The following DOCK1 variants were observed in gnomAD, a reference collection of about 807,000 sequenced individuals.
DOCK1 encodes the protein dedicator of cytokinesis protein 1.
Under a neutral mutation model 262.7 loss-of-function variants are expected in DOCK1, and 138 were observed. The ratio of observed to expected loss-of-function variants is 0.53; its 90% CI spans 0.46 to 0.61. The LOEUF (loss-of-function observed/expected upper bound fraction) is 0.61. Among genes scored for constraint, DOCK1 ranks in the 20% least tolerant of loss-of-function variants. The pLI, the probability that DOCK1 is intolerant of heterozygous loss-of-function variation, is 0.00. For synonymous variants in DOCK1, 866 were observed against 867.4 expected (o/e 1.00, Z 0.03); for missense variants, 1,908 against 2,370.7 (o/e 0.80, Z 4.05).
chr10:127,063,092 T>G (rs11018404), intron 23 of DOCK1, among the ~76,000 whole-genome samples: 1 of 152,216 alleles, frequency 6.6e-6, no homozygotes, highest in African/African-American at 2.4e-5. Flanking sequence ...CAGAAGGAGC[T>G]GTACAACTTG....
chr10:127,289,989 A>C (rs2135356837), intron 29 of DOCK1, among the ~76,000 whole-genome samples: 1 of 151,198 alleles, frequency 6.6e-6, no homozygotes, highest in Non-Finnish European at 1.5e-5. Flanking sequence ...TCTGCTGGTA[A>C]ATTCATGCAT....
intron 27 of DOCK1, among the ~76,000 whole-genome samples, chr10:127,197,578 A>G (rs555585960): frequency 6.6e-6 from 1 of 152,184 alleles, no homozygotes; most frequent in Non-Finnish European, 1.5e-5. Context: ...TTCTCAGGAA[A>G]GGTCAGAGAA....
At chr10:127,361,356 T>C (rs11017557) in intron 32 of DOCK1, among the ~76,000 whole-genome samples, 12,107 of 152,156 alleles carry the variant, frequency 0.08, 1,112 homozygotes, top group East Asian at 0.35. Flanking sequence ...CCTCGTGATC[T>C]GCCCGCCTTG....
intron 29 of DOCK1, among the ~76,000 whole-genome samples, chr10:127,301,992 G>A (rs553191137): frequency 1.3e-5 from 2 of 151,604 alleles, no homozygotes; most frequent in South Asian, 4.2e-4. Context: ...GACAAAGCCT[G>A]CCTGCCTGCT....
At chr10:127,072,869 T>C (rs139902679) in intron 23 of DOCK1, among the ~76,000 whole-genome samples, 14 of 152,288 alleles carry the variant, frequency 9.2e-5, no homozygotes, top group African/African-American at 3.1e-4. Context: ...AGCTGACTCA[T>C]TGATGGAAAC....
intron 27 of DOCK1, among the ~76,000 whole-genome samples, chr10:127,171,364 C>T (rs2054553098): frequency 6.6e-6 from 1 of 152,212 alleles, no homozygotes; most frequent in South Asian, 2.1e-4. Context: ...TTACAATAAA[C>T]ATGTTCTAAG....
intron 27 of DOCK1, among the ~76,000 whole-genome samples, chr10:127,130,832 C>T (rs2050277736): frequency 6.6e-6 from 1 of 152,160 alleles, no homozygotes; most frequent in Non-Finnish European, 1.5e-5. Context: ...GCTGTCAGTC[C>T]CTTCTATAAG....
intron 3 of DOCK1, among the ~76,000 whole-genome samples, chr10:126,978,695 A>G (rs1037483896): frequency 6.6e-6 from 1 of 152,148 alleles, no homozygotes; most frequent in Non-Finnish European, 1.5e-5. Flanking sequence ...TTAATATCTA[A>G]TTATGTTTGA....
At chr10:127,126,030 C>T (rs2049932050) in intron 26 of DOCK1, among the ~76,000 whole-genome samples, 1 of 151,816 alleles carries the variant, frequency 6.6e-6, no homozygotes, top group African/African-American at 2.4e-5. Flanking sequence ...TCTTTTCCTC[C>T]CCTCAGGCTC....
At chr10:127,372,003 C>A (rs949389227) in intron 33 of DOCK1, among the ~76,000 whole-genome samples, 22 of 152,308 alleles carry the variant, frequency 1.4e-4, no homozygotes, top group Admixed American at 1.4e-3. Flanking sequence ...GTCTGTGCTG[C>A]TAAAATCCTT....
chr10:127,071,792 T>G (rs559003081), intron 23 of DOCK1, among the ~76,000 whole-genome samples: 2 of 152,354 alleles, frequency 1.3e-5, no homozygotes, highest in African/African-American at 4.8e-5. Context: ...ATTATTTCAT[T>G]GATAAGTAGT....
Position 127,272,479 on chromosome 10 carries a change from C to T in DOCK1, c.3044+15050C>T, listed in dbSNP as rs1346914194. 2.0e-5 allele frequency among the ~76,000 whole-genome samples: 3 copies of T among 152,164 alleles called. No individual in the cohort carries two copies. In the East Asian group the frequency reaches 5.8e-4, roughly 29 times the overall value. On this transcript the variant is annotated intron_variant, in intron 29 of 51. Transcript: ENST00000623213. ...TTGTAAATATAAATATTAACCATAC[C>T]CCGAAAGGGAAGGAGTTCTTTTGCT...
chr10:127,299,009 T>C (rs1260698316), intron 29 of DOCK1, among the ~76,000 whole-genome samples: 6 of 152,208 alleles, frequency 3.9e-5, no homozygotes, highest in African/African-American at 1.4e-4. Context: ...GAAGTCCTTA[T>C]TCCTGTCACC....
At chr10:127,320,906 C>T (rs2062490215) in intron 29 of DOCK1, among the ~76,000 whole-genome samples, 2 of 152,090 alleles carry the variant, frequency 1.3e-5, no homozygotes, top group Non-Finnish European at 2.9e-5. Flanking sequence ...TGACCTCACC[C>T]TCACCCTCAC....
At chr10:127,355,889 G>A (rs1027912434) in intron 32 of DOCK1, among the ~76,000 whole-genome samples, 1 of 152,214 alleles carries the variant, frequency 6.6e-6, no homozygotes, top group Non-Finnish European at 1.5e-5. Context: ...CCATTCTTTG[G>A]TTTGACATGA....
chr10:127,233,305 A>G (rs2058923435), intron 27 of DOCK1, among the ~76,000 whole-genome samples: 1 of 152,216 alleles, frequency 6.6e-6, no homozygotes, highest in South Asian at 2.1e-4. Flanking sequence ...TATTTTCATT[A>G]TGTCCGTATA....
chr10:127,369,684 G>A (rs2065105945), intron 33 of DOCK1, among the ~76,000 whole-genome samples: 2 of 152,140 alleles, frequency 1.3e-5, no homozygotes, highest in South Asian at 4.1e-4. Context: ...CAAGTGAGTG[G>A]CTCTGGGTCC....
At chr10:127,416,959 T>C (rs12355101) in intron 44 of DOCK1, among the ~76,000 whole-genome samples, 14,188 of 152,146 alleles carry the variant, frequency 0.093, 770 homozygotes, top group South Asian at 0.16. Flanking sequence ...TGTCCCTCCA[T>C]CAGTGCAAGG....
chr10:126,985,241 G>A (rs114142371), intron 4 of DOCK1, among the ~76,000 whole-genome samples: 2,530 of 152,088 alleles, frequency 0.017, 76 homozygotes, highest in African/African-American at 0.058. Flanking sequence ...TTAGCCTCCC[G>A]AAGTGTTGTG....
Sources: gnomAD v4.1 joint callset for allele counts (sites outside exome capture counted in the v4.1 genomes callset) on GRCh38, gnomAD v4.1.1 for gene constraint, MANE v1.5 for transcripts, NCBI Gene and HGNC (gene_info 2026-07-23, HGNC 2026-07-21) for gene names.